The following PAPPA variants were observed in gnomAD, a reference collection of about 807,000 sequenced individuals.
PAPPA encodes the protein pappalysin 1, also known as pappalysin-1.
PAPPA carries 60 observed loss-of-function variants against 164.0 expected under a neutral mutation model. The ratio of observed to expected loss-of-function variants is 0.37; its 90% CI spans 0.30 to 0.45. The LOEUF is 0.45. Ranked by LOEUF, PAPPA falls within the 20% of genes least tolerant of loss-of-function variation. PAPPA has a pLI of 1.00. For missense variants in PAPPA, 1,782 were observed against 2,087.3 expected (o/e 0.85, Z 2.85); for synonymous variants, 875 against 814.1 (o/e 1.07, Z -1.27).
intron 10 of PAPPA, among the ~76,000 whole-genome samples, chr9:116,314,717 C>T (rs1245865938): frequency 6.6e-6 from 1 of 152,176 alleles, no homozygotes; most frequent in Admixed American, 6.5e-5. Flanking sequence ...TTCCTTTTCT[C>T]CTGCCTGGAA....
intron 9 of PAPPA, among the ~76,000 whole-genome samples, chr9:116,280,842 A>G (rs547170908): frequency 6.6e-6 from 1 of 152,354 alleles, no homozygotes; most frequent in African/African-American, 2.4e-5. Context: ...GAGTTGAGTC[A>G]TTCCAACAGA....
intron 10 of PAPPA, among the ~76,000 whole-genome samples, chr9:116,306,391 G>C (rs1845646811): frequency 6.6e-6 from 1 of 152,272 alleles, no homozygotes; most frequent in South Asian, 2.1e-4. Flanking sequence ...CATATCTAAT[G>C]GTTTCCAGTG....
intron 21 of PAPPA, among the ~76,000 whole-genome samples, chr9:116,394,841 C>T (rs1413417310): frequency 6.6e-6 from 1 of 152,040 alleles, no homozygotes; most frequent in Non-Finnish European, 1.5e-5. Context: ...TTGTGGTAGC[C>T]ATAAGTACAA....
intron 10 of PAPPA, among the ~76,000 whole-genome samples, chr9:116,321,061 T>C (rs1386929160): frequency 1.3e-5 from 2 of 151,618 alleles, no homozygotes; most frequent in South Asian, 2.1e-4. Context: ...GGAGTCTCAC[T>C]CTTTCACCCA....
chr9:116,318,187 T>C (rs1845810496), intron 10 of PAPPA: 1 of 152,168 alleles, frequency 6.6e-6, no homozygotes, highest in African/African-American at 2.4e-5. Flanking sequence ...CCTTCAGATA[T>C]AGATTGCCTC....
At position 116,191,235 on chromosome 9, in the gene PAPPA, T is replaced by C. The variant is rs3789282; in HGVS notation, c.1478+3019T>C. On this transcript the variant is annotated intron_variant, in intron 2 of 21. Coordinates refer to ENST00000328252, the MANE Select transcript of PAPPA (RefSeq NM_002581.5). ...TTGAGCTGAGTAATAGATGATATCATCTCCAGTCAGAATGGTCCTTTTTGG... is the reference window on the plus strand; with the variant it reads ...TTGAGCTGAGTAATAGATGATATCACCTCCAGTCAGAATGGTCCTTTTTGG... Among the ~76,000 whole-genome samples, 962 of 152,224 alleles carry C rather than the reference T, an allele frequency of 6.3e-3. 40 individuals are homozygous for C. In the East Asian group the frequency reaches 0.11, roughly 18 times the overall value.
chr9:116,325,725 G>A (rs186328645), intron 10 of PAPPA, among the ~76,000 whole-genome samples: 218 of 152,222 alleles, frequency 1.4e-3, no homozygotes, highest in Non-Finnish European at 1.7e-3. Context: ...TAGAATTGCC[G>A]TCTGTCATTT....
At chr9:116,338,982 G>A (rs1399954148) in intron 13 of PAPPA, among the ~76,000 whole-genome samples, 1 of 152,186 alleles carries the variant, frequency 6.6e-6, no homozygotes, top group Non-Finnish European at 1.5e-5. Flanking sequence ...GCCCTCATTT[G>A]AGGATGGGAA....
chr9:116,160,406 A>T (rs778577627), intron 1 of PAPPA, among the ~76,000 whole-genome samples: 1 of 152,206 alleles, frequency 6.6e-6, no homozygotes, highest in Non-Finnish European at 1.5e-5. Context: ...TTTTGGAGAG[A>T]GAAGCCTCTT....
At chr9:116,351,419 T>C (rs1588016129) in intron 15 of PAPPA, among the ~76,000 whole-genome samples, 1 of 152,190 alleles carries the variant, frequency 6.6e-6, no homozygotes, top group South Asian at 2.1e-4. Flanking sequence ...AACGAAGACA[T>C]TGACAACACT....
intron 19 of PAPPA, among the ~76,000 whole-genome samples, chr9:116,374,616 C>T (rs1200787021): frequency 6.6e-6 from 1 of 152,212 alleles, no homozygotes; most frequent in Non-Finnish European, 1.5e-5. Flanking sequence ...AGGTAAACCT[C>T]AACTGACAGA....
chr9:116,176,251 T>C (rs1191564856), intron 1 of PAPPA, among the ~76,000 whole-genome samples: 1 of 152,198 alleles, frequency 6.6e-6, no homozygotes, highest in East Asian at 1.9e-4. Context: ...TTGAGACCAA[T>C]TTCTGAAATG....
At position 116,154,598 on chromosome 9, in the gene PAPPA, G is replaced by C; in HGVS notation, c.415+11G>C. ...CGGCAGTGATCACAGGTAGGTGAGG[G>C]CGCCTCGGCGGGCGCTGCACCGTCC... is the stretch of plus-strand genomic sequence containing the variant. On this transcript the variant is annotated intron_variant, in intron 1 of 21. Coordinates refer to ENST00000328252, the MANE Select transcript of PAPPA (RefSeq NM_002581.5). The surrounding 1 kb of genome is among the most constrained non-coding windows in gnomAD (Gnocchi z 5.2). The C allele has an allele frequency of 7.5e-7, 1 of 1,339,882 alleles. No homozygotes were observed. Among genetic ancestry groups the C allele is most frequent in the Non-Finnish European group, 9.6e-7 (1 of 1,047,082 alleles). The allele number at this position is 1,339,882 out of a possible 1,614,324, so 83.0% of individuals were successfully genotyped here.
At chr9:116,204,333 A>G (rs566571114) in intron 2 of PAPPA, among the ~76,000 whole-genome samples, 1 of 152,304 alleles carries the variant, frequency 6.6e-6, no homozygotes, top group African/African-American at 2.4e-5. Flanking sequence ...CAACTTGCCC[A>G]TAGATATAGG....
At chr9:116,296,353 T>G (rs1369837472) in intron 9 of PAPPA, among the ~76,000 whole-genome samples, 3 of 152,242 alleles carry the variant, frequency 2.0e-5, no homozygotes, top group Non-Finnish European at 4.4e-5. Flanking sequence ...ATAAATGAAC[T>G]CAAAGATAAA....
At chr9:116,249,610 C>A (rs993968465) in intron 7 of PAPPA, among the ~76,000 whole-genome samples, 3 of 151,850 alleles carry the variant, frequency 2.0e-5, no homozygotes, top group Non-Finnish European at 2.9e-5. Context: ...GCAATGTTGC[C>A]AAAACTGAAG....
Position 116,397,871 on chromosome 9 carries a change from T to C in PAPPA, c.*1255T>C, listed in dbSNP as rs6478235. ...TAGCCCTTCAGGCTAGAGTAGGCTTTGATCCTGAGAACCTTGCTGTTGCTC... is the reference window on the plus strand; with the variant it reads ...TAGCCCTTCAGGCTAGAGTAGGCTTCGATCCTGAGAACCTTGCTGTTGCTC... On this transcript the variant is annotated 3_prime_UTR_variant, in exon 22 of 22. Transcript: ENST00000328252. The C allele has an allele frequency of 0.93, 141,707 of 152,730 alleles. 65,905 individuals carry two copies. Among genetic ancestry groups the C allele is most frequent in the Non-Finnish European group, 0.97 (65,740 of 68,074 alleles). The allele number at this position is 152,730 out of a possible 1,614,324, so 9.5% of individuals were successfully genotyped here. A position where few individuals can be genotyped will look rare whatever the true frequency, so the allele number is the denominator to read the frequency against.
chr9:116,164,588 T>C (rs1843700740), intron 1 of PAPPA, among the ~76,000 whole-genome samples: 1 of 152,200 alleles, frequency 6.6e-6, no homozygotes, highest in Non-Finnish European at 1.5e-5. Flanking sequence ...TGTTATAGCC[T>C]TGTGTGTTTA....
At chr9:116,219,071 T>C (rs1235951630) in intron 4 of PAPPA, among the ~76,000 whole-genome samples, 1 of 152,226 alleles carries the variant, frequency 6.6e-6, no homozygotes, top group African/African-American at 2.4e-5. Flanking sequence ...CATGCCTCTG[T>C]AGTCATGCAG....
Sources: allele counts gnomAD v4.1 joint callset (sites outside exome capture counted in the v4.1 genomes callset), GRCh38; gene constraint gnomAD v4.1.1; non-coding constraint Gnocchi (gnomAD v3.1); transcripts MANE v1.5; gene names NCBI Gene and HGNC (gene_info 2026-07-23, HGNC 2026-07-21).